The following CYTH3 variants were observed in gnomAD, a reference collection of about 807,000 sequenced individuals.
The protein encoded by CYTH3 is cytohesin-3.
In CYTH3, 23 loss-of-function variants were observed where a neutral mutation model predicts 55.1. The observed-to-expected ratio is 0.42, with a 90% CI of 0.30 to 0.59. CYTH3 has a LOEUF of 0.59. Ranked by LOEUF, CYTH3 falls within the 20% of genes least tolerant of loss-of-function variation. CYTH3 has a pLI of 0.20. For synonymous variants in CYTH3, 249 were observed against 194.9 expected (o/e 1.28, Z -2.31); for missense variants, 413 against 524.8 (o/e 0.79, Z 2.08).
Position 6,161,783 on chromosome 7 carries a change from AACAATAC to A in CYTH3, c.*3154_*3160del, listed in dbSNP as rs1330852469. 1.4e-4 allele frequency: 21 copies of A among 152,478 alleles called. No individual in the cohort carries two copies. The highest frequency in any genetic ancestry group is 4.8e-4 in the African/African-American group (20 of 41,454). 9.4% of individuals were successfully genotyped at this position (152,478 alleles called of 1,614,324 possible). A position where few individuals can be genotyped will look rare whatever the true frequency, so the allele number is the denominator to read the frequency against. On this transcript the variant is annotated 3_prime_UTR_variant, in exon 13 of 13. Transcript: ENST00000350796. ...AAGAACCAAGTCTTAGGCTTGTTTT[AACAATAC>A]ATGTGATTTTTATTTAGTGAACACA...
intron 1 of CYTH3, among the ~76,000 whole-genome samples, chr7:6,239,739 A>G (rs1049484901): frequency 6.6e-6 from 1 of 152,238 alleles, no homozygotes; most frequent in Non-Finnish European, 1.5e-5. Flanking sequence ...GTTAGACACT[A>G]AAGTAGAAAA....
chr7:6,202,889 C>T (rs1206159658), intron 1 of CYTH3, among the ~76,000 whole-genome samples: 2 of 151,966 alleles, frequency 1.3e-5, no homozygotes, highest in African/African-American at 2.4e-5. Context: ...AAAACCAGAA[C>T]AAAAAACATC....
At chr7:6,250,031 T>C (rs927346579) in intron 1 of CYTH3, among the ~76,000 whole-genome samples, 1 of 152,182 alleles carries the variant, frequency 6.6e-6, no homozygotes, top group Non-Finnish European at 1.5e-5. Context: ...CATCCCAGTC[T>C]CTTCCCTGTC....
intron 1 of CYTH3, among the ~76,000 whole-genome samples, chr7:6,249,050 GT>G (rs1167372585): frequency 6.6e-6 from 1 of 152,112 alleles, no homozygotes; most frequent in Non-Finnish European, 1.5e-5. Flanking sequence ...ACGCTGTTGG[GT>G]TTTTTCATCC....
intron 4 of CYTH3, among the ~76,000 whole-genome samples, chr7:6,178,300 G>A (rs1251564362): frequency 6.6e-6 from 1 of 152,238 alleles, no homozygotes; most frequent in Non-Finnish European, 1.5e-5. Context: ...AACTTTGTGG[G>A]TGGTGGCCAC....
chr7:6,184,469 T>C (rs1321412272), intron 4 of CYTH3, among the ~76,000 whole-genome samples: 1 of 152,178 alleles, frequency 6.6e-6, no homozygotes, highest in Admixed American at 6.5e-5. Context: ...ACACACGGTA[T>C]ATATAAAACA....
At chr7:6,191,591 CTTTTTTTTTTT>C in intron 1 of CYTH3, among the ~76,000 whole-genome samples, 1 of 105,072 alleles carries the variant, frequency 9.5e-6, no homozygotes, top group African/African-American at 3.6e-5. Flanking sequence ...TAGGGAAGGA[CTTTTTTTTTTT>C]TTTTTTTTTT....
Position 6,171,080 on chromosome 7 carries a change from C to G in CYTH3, c.563-102G>C. ...TGCAAGAGGTGCCCGGCCCACAGGT[C>G]GTCCTCGCTCAGGGAAGGCAGGTCC... On this transcript the variant is annotated intron_variant, in intron 7 of 12. Transcript: ENST00000350796. The surrounding 1 kb of genome is among the most constrained non-coding windows in gnomAD (Gnocchi z 6.7). 1 of 1,585,660 alleles carries G rather than the reference C, an allele frequency of 6.3e-7. No homozygotes were observed. The highest frequency in any genetic ancestry group is 2.2e-5 in the East Asian group (1 of 44,530).
intron 2 of CYTH3, among the ~76,000 whole-genome samples, chr7:6,188,224 T>C (rs1362727026): frequency 6.6e-6 from 1 of 151,736 alleles, no homozygotes; most frequent in African/African-American, 2.4e-5. Context: ...TCCTAGCTAC[T>C]AGAGAGGCTG....
At chr7:6,204,214 T>C (rs1784132773) in intron 1 of CYTH3, among the ~76,000 whole-genome samples, 1 of 152,140 alleles carries the variant, frequency 6.6e-6, no homozygotes, top group Admixed American at 6.6e-5. Context: ...ACAAACTCAG[T>C]GGGATCATGG....
intron 1 of CYTH3, among the ~76,000 whole-genome samples, chr7:6,264,739 A>C (rs984770034): frequency 1.3e-5 from 2 of 152,258 alleles, no homozygotes. Context: ...CTTCAACTTT[A>C]TTCAGTATTT....
intron 1 of CYTH3, among the ~76,000 whole-genome samples, chr7:6,224,556 TACTA>T (rs1283579919): frequency 6.6e-6 from 1 of 152,204 alleles, no homozygotes; most frequent in East Asian, 1.9e-4. Context: ...TTAAAAAACA[TACTA>T]ACAAGTGTTG....
intron 1 of CYTH3, among the ~76,000 whole-genome samples, chr7:6,195,999 C>G (rs1783916328): frequency 6.6e-6 from 1 of 152,194 alleles, no homozygotes. Context: ...GTAACCCAGT[C>G]TGTTCATCCT....
At chr7:6,217,573 G>C (rs1178810172) in intron 1 of CYTH3, among the ~76,000 whole-genome samples, 1 of 152,158 alleles carries the variant, frequency 6.6e-6, no homozygotes, top group Non-Finnish European at 1.5e-5. Context: ...AGCAACAACA[G>C]AGCTGAGAGA....
intron 5 of CYTH3, among the ~76,000 whole-genome samples, chr7:6,174,335 G>A (rs891471634): frequency 2.7e-5 from 4 of 150,660 alleles, no homozygotes; most frequent in South Asian, 4.2e-4. Flanking sequence ...GGCTGGTCTC[G>A]AACTCCCGAC....
intron 1 of CYTH3, among the ~76,000 whole-genome samples, chr7:6,232,884 T>C (rs1269595841): frequency 6.6e-6 from 1 of 152,146 alleles, no homozygotes; most frequent in African/African-American, 2.4e-5. Flanking sequence ...TGAGTTTACA[T>C]CCACTTCGGG....
chr7:6,171,690 C>A lies in CYTH3; in HGVS notation c.450-376G>T. On this transcript the variant is annotated intron_variant, in intron 6 of 12. Coordinates refer to ENST00000350796, the MANE Select transcript of CYTH3 (RefSeq NM_004227.4). The surrounding 1 kb of genome is among the most constrained non-coding windows in gnomAD (Gnocchi z 6.7). ...CCCGAGCTGCCACCAGCCGGTCCTC[C>A]TTTCAGAACTCCCACACATAAGGCA... 3.8e-6 allele frequency: 1 copy of A among 261,048 alleles called. No homozygotes were observed. The highest frequency in any genetic ancestry group is 7.8e-6 in the Non-Finnish European group (1 of 128,426). The allele number at this position is 261,048 out of a possible 1,614,324, so 16.2% of individuals were successfully genotyped here.
chr7:6,252,123 A>G (rs2115048705), intron 1 of CYTH3, among the ~76,000 whole-genome samples: 1 of 152,358 alleles, frequency 6.6e-6, no homozygotes, highest in Non-Finnish European at 1.5e-5. Context: ...TGTGGAATGT[A>G]GTTTGATTGA....
intron 1 of CYTH3, among the ~76,000 whole-genome samples, chr7:6,247,135 G>A (rs537348704): frequency 6.6e-6 from 1 of 152,212 alleles, no homozygotes; most frequent in African/African-American, 2.4e-5. Context: ...TCCAACTTCT[G>A]TATCTTCAGA....
Sources: gnomAD v4.1 joint callset for allele counts (sites outside exome capture counted in the v4.1 genomes callset) on GRCh38, gnomAD v4.1.1 for gene constraint, Gnocchi (gnomAD v3.1) non-coding constraint, MANE v1.5 for transcripts, NCBI Gene and HGNC (gene_info 2026-07-23, HGNC 2026-07-21) for gene names.